ZEB2: variants seen among roughly 807,000 people sequenced by gnomAD.
The protein encoded by ZEB2 is zinc finger E-box binding homeobox 2.
ZEB2 carries 6 observed loss-of-function variants against 99.9 expected under a neutral mutation model. The ratio of observed to expected loss-of-function variants is 0.06; its 90% CI spans 0.03 to 0.12. The LOEUF is 0.12. Ranked by LOEUF, ZEB2 falls within the 10% of genes least tolerant of loss-of-function variation. The pLI, the probability that ZEB2 is intolerant of heterozygous loss-of-function variation, is 1.00. For synonymous variants in ZEB2, 517 were observed against 542.5 expected (o/e 0.95, Z 0.65); for missense variants, 969 against 1,502.8 (o/e 0.64, Z 5.87).
chr2:144,441,203 G>GAGAGAGAGAGAA (rs1703913118), intron 2 of ZEB2, among the ~76,000 whole-genome samples: 1 of 151,012 alleles, frequency 6.6e-6, no homozygotes. Flanking sequence ...GAGAGAGAGA[G>GAGAGAGAGAGAA]AGAGAACCTC....
chr2:144,441,026 C>T (rs187090502), intron 2 of ZEB2, among the ~76,000 whole-genome samples: 1 of 148,446 alleles, frequency 6.7e-6, no homozygotes, highest in East Asian at 2.0e-4. Flanking sequence ...TCAAGCAGGG[C>T]GCTCCATGCT....
intron 2 of ZEB2, chr2:144,511,399 A>C (rs1486269931): frequency 1.2e-5 from 15 of 1,210,864 alleles, no homozygotes; most frequent in Non-Finnish European, 8.4e-6. Context: ...TTAAAATGAA[A>C]TCCTTTATTT....
intron 2 of ZEB2, chr2:144,512,117 G>A (rs942492632): frequency 2.5e-5 from 32 of 1,287,020 alleles, no homozygotes; most frequent in African/African-American, 6.1e-5. Context: ...CACCATTGAC[G>A]TTATAAACAT....
chr2:144,403,236 T>C (rs1217965511), intron 6 of ZEB2, among the ~76,000 whole-genome samples: 1 of 151,276 alleles, frequency 6.6e-6, no homozygotes, highest in African/African-American at 2.4e-5. Flanking sequence ...TACTTAACTG[T>C]TGAAGACAGA....
chr2:144,415,611 G>A (rs1243716520), intron 4 of ZEB2, among the ~76,000 whole-genome samples: 1 of 152,172 alleles, frequency 6.6e-6, no homozygotes, highest in Non-Finnish European at 1.5e-5. Context: ...ACAGAACAAA[G>A]AGGAAGGGTC....
At chr2:144,415,904 T>C (rs898486622) in intron 4 of ZEB2, among the ~76,000 whole-genome samples, 1 of 152,218 alleles carries the variant, frequency 6.6e-6, no homozygotes, top group African/African-American at 2.4e-5. Flanking sequence ...GCCTGTATAC[T>C]GCAAGCAAAA....
chr2:144,509,841 T>C (rs1705005737), intron 2 of ZEB2, among the ~76,000 whole-genome samples: 1 of 152,122 alleles, frequency 6.6e-6, no homozygotes, highest in South Asian at 2.1e-4. Flanking sequence ...ATGTTGAAAA[T>C]GGTGGCAAAT....
At chr2:144,451,173 T>C (rs376103875) in intron 2 of ZEB2, among the ~76,000 whole-genome samples, 145 of 152,340 alleles carry the variant, frequency 9.5e-4, no homozygotes, top group African/African-American at 3.4e-3. Context: ...TCTGGCACTT[T>C]GTAGAGGTCC....
chr2:144,449,580 AT>A (rs1207129923), intron 2 of ZEB2: 1 of 152,190 alleles, frequency 6.6e-6, no homozygotes, highest in African/African-American at 2.4e-5. Context: ...ACCCCGTCAG[AT>A]TCAGTGCAAG....
chr2:144,488,662 C>CATGTGTGAGTGT (rs1246686457), intron 2 of ZEB2, among the ~76,000 whole-genome samples: 4 of 83,548 alleles, frequency 4.8e-5, no homozygotes, highest in African/African-American at 1.5e-4. Flanking sequence ...GATAATTGCT[C>CATGTGTGAGTGT]GTGTGTGAGT....
rs546305082 is a variant in ZEB2 at position 144,458,439 on chromosome 2, G to A, written c.74-28413C>T. Among the ~76,000 whole-genome samples, 17 of 152,102 alleles carry A rather than the reference G, an allele frequency of 1.1e-4. No individual in the cohort carries two copies. In the Middle Eastern group the frequency reaches 0.01, roughly 91 times the overall value. The stretch of plus-strand genomic sequence containing the variant: ...CATTGAGAGAGGGTTTGCAGTTCTC[G>A]CCAGCTGGAGGAGTCTTCCTGGTAT... On this transcript the variant is annotated intron_variant, in intron 2 of 9. Transcript: ENST00000627532.
At chr2:144,403,866 T>C (rs1256842990) in intron 6 of ZEB2, 50 bp downstream of exon 6, 1 of 1,608,780 alleles carries the variant, frequency 6.2e-7, no homozygotes, top group Admixed American at 1.7e-5. Context: ...GCAATATCGT[T>C]TCTCTAAGGG....
intron 2 of ZEB2, among the ~76,000 whole-genome samples, chr2:144,457,817 A>G (rs1704141047): frequency 6.6e-6 from 1 of 152,170 alleles, no homozygotes; most frequent in African/African-American, 2.4e-5. Flanking sequence ...TAAAATTCAA[A>G]TGGATTCTAC....
chr2:144,410,095 TAG>T (rs1289372141), intron 4 of ZEB2, among the ~76,000 whole-genome samples: 1 of 151,996 alleles, frequency 6.6e-6, no homozygotes, highest in African/African-American at 2.4e-5. Flanking sequence ...GTATTTTTAG[TAG>T]AGACAGGGTT....
chr2:144,450,754 C>A (rs1281109336), intron 2 of ZEB2, among the ~76,000 whole-genome samples: 1 of 152,206 alleles, frequency 6.6e-6, no homozygotes, highest in Admixed American at 6.5e-5. Flanking sequence ...TGGTTCACTG[C>A]AACCTCCGCC....
intron 2 of ZEB2, among the ~76,000 whole-genome samples, chr2:144,492,567 C>T (rs973199167): frequency 1.3e-5 from 2 of 152,208 alleles, no homozygotes; most frequent in South Asian, 2.1e-4. Context: ...AAGTAGAAAC[C>T]AAATTTGAGC....
At chr2:144,511,656 G>A (rs1705040834) in intron 2 of ZEB2, 1 of 1,286,938 alleles carries the variant, frequency 7.8e-7, no homozygotes, top group African/African-American at 1.5e-5. Flanking sequence ...TGATGCTGTT[G>A]GCATAAACAG....
At chr2:144,404,710 C>A (rs1169778702) in intron 5 of ZEB2, 126 bp downstream of exon 5, 16 of 1,256,732 alleles carry the variant, frequency 1.3e-5, no homozygotes, top group Non-Finnish European at 1.5e-5. Flanking sequence ...AATCTTTGCT[C>A]ATGAAATTCC....
intron 5 of ZEB2, 23 bp from the exon 6 acceptor site, chr2:144,404,153 G>C: frequency 6.2e-7 from 1 of 1,613,148 alleles, no homozygotes; most frequent in Middle Eastern, 1.8e-4. Flanking sequence ...GACAGAGAGA[G>C]AGAGAAGCGG....
Sources: gnomAD v4.1 joint callset for allele counts (sites outside exome capture counted in the v4.1 genomes callset) on GRCh38, gnomAD v4.1.1 for gene constraint, MANE v1.5 for transcripts, NCBI Gene and HGNC (gene_info 2026-07-23, HGNC 2026-07-21) for gene names.